The following ACLY variants were observed in gnomAD, a reference collection of about 807,000 sequenced individuals.
ACLY encodes ATP citrate lyase.
In ACLY, 41 loss-of-function variants were observed where a neutral mutation model predicts 133.0. The ratio of observed to expected loss-of-function variants is 0.31; its 90% CI spans 0.24 to 0.40. The LOEUF (loss-of-function observed/expected upper bound fraction) is 0.40, where lower values mean the gene tolerates loss of function less well. Ranked by LOEUF, ACLY falls within the 10% of genes least tolerant of loss-of-function variation. The pLI, the probability that ACLY is intolerant of heterozygous loss-of-function variation, is 1.00. For synonymous variants in ACLY, 495 were observed against 549.3 expected (o/e 0.90, Z 1.38); for missense variants, 1,046 against 1,453.8 (o/e 0.72, Z 4.56).
At chr17:41,908,096 C>T (rs1263255416) in intron 6 of ACLY, among the ~76,000 whole-genome samples, 1 of 152,184 alleles carries the variant, frequency 6.6e-6, no homozygotes, top group African/African-American at 2.4e-5. Flanking sequence ...CTTCCTCCTC[C>T]CCCAGGGCCA....
At chr17:41,922,436 G>A (rs2050194418), upstream of ACLY, among the ~76,000 whole-genome samples, 1 of 150,032 alleles carries the variant, frequency 6.7e-6, no homozygotes, top group Admixed American at 6.6e-5. Flanking sequence ...CAGCCTGGGT[G>A]ACAGAGTGAG....
chr17:41,906,108 G>A (rs1179848468), intron 8 of ACLY, among the ~76,000 whole-genome samples: 2 of 152,156 alleles, frequency 1.3e-5, no homozygotes, highest in African/African-American at 2.4e-5. Flanking sequence ...GCTAATTATT[G>A]TAAAGGGTGT....
intron 6 of ACLY, among the ~76,000 whole-genome samples, chr17:41,908,386 T>C (rs2049789459): frequency 1.3e-5 from 2 of 152,100 alleles, no homozygotes; most frequent in South Asian, 2.1e-4. Flanking sequence ...GGCCAAAGGG[T>C]GAGAGCAGTG....
chr17:41,921,495 A>C (rs142144891), upstream of ACLY, among the ~76,000 whole-genome samples: 2 of 148,696 alleles, frequency 1.3e-5, no homozygotes, highest in South Asian at 2.1e-4. Flanking sequence ...AAAAAAAAAA[A>C]CAAAAAAGAA....
chr17:41,892,161 C>T (rs1227511869), intron 16 of ACLY, 118 bp downstream of exon 16: 11 of 1,003,410 alleles, frequency 1.1e-5, no homozygotes, highest in Non-Finnish European at 1.6e-5. Flanking sequence ...GCAGCAGTGA[C>T]GGGACATCAA....
upstream of ACLY, among the ~76,000 whole-genome samples, chr17:41,922,247 C>A (rs1470565183): frequency 6.6e-6 from 1 of 151,718 alleles, no homozygotes; most frequent in Non-Finnish European, 1.5e-5. Flanking sequence ...GGCATGGTGG[C>A]ACGTGCCTGT....
chr17:41,880,148 C>T (rs782097657), intron 20 of ACLY, among the ~76,000 whole-genome samples: 1 of 152,180 alleles, frequency 6.6e-6, no homozygotes, highest in Non-Finnish European at 1.5e-5. Context: ...GTTTACATAA[C>T]ACTATGTTCA....
At position 41,897,740 on chromosome 17, in the gene ACLY, G is replaced by A. The variant is rs781896603; in HGVS notation, c.1429+9C>T. The A allele has an allele frequency of 1.9e-6, 3 of 1,612,614 alleles. 1 individual carries two copies. The highest frequency in any genetic ancestry group is 2.2e-5 in the South Asian group (2 of 90,704). On this transcript the variant is annotated intron_variant, in intron 13 of 28. Transcript: ENST00000352035. ...TCCCTGCAACATGCCTGAAGCCTCA[G>A]GGAGTTACCTTGTGGCATGGCAGGC...
chr17:41,908,896 G>T, intron 6 of ACLY, 93 bp downstream of exon 6: 1 of 1,037,282 alleles, frequency 9.6e-7, no homozygotes, highest in South Asian at 1.3e-5. Context: ...GTTACCCTCT[G>T]GCAAGTGGGA....
chr17:41,879,618 G>C (rs1162368105), intron 20 of ACLY, among the ~76,000 whole-genome samples: 4 of 97,888 alleles, frequency 4.1e-5, no homozygotes, highest in African/African-American at 1.2e-4. Flanking sequence ...CTGCACTCCA[G>C]CCAGGGTGAT....
At position 41,909,556 on chromosome 17, in the gene ACLY, C is replaced by A. The variant is rs782758020; in HGVS notation, c.490G>T (p.Asp164Tyr). Residue 164 changes from aspartate (D) to tyrosine (Y), a missense_variant, in exon 5 of 29, where the codon GAC (aspartate) becomes TAC (tyrosine). Physicochemically the swap from Asp to Tyr is radical, Grantham distance 160. Coordinates refer to ENST00000352035, the MANE Select transcript of ACLY (RefSeq NM_001096.3). ...TGGACCAACAGGTGTTTTTTGATGT[C>A]CTCAGGATTCAGTTTCTCATCCACG... Reference protein sequence around the residue: ...VGVDEKLNPEDIKKHLLVHAP... With the variant: ...VGVDEKLNPEYIKKHLLVHAP... 8 of 1,614,178 alleles carry A rather than the reference C, an allele frequency of 5.0e-6. No homozygotes were observed. In the East Asian group the frequency reaches 8.9e-5, roughly 18 times the overall value.
chr17:41,898,616 G>A lies in ACLY; in HGVS notation c.1338+15C>T. 4.3e-6 allele frequency: 7 copies of A among 1,612,266 alleles called. No individual in the cohort carries two copies. The highest frequency in any genetic ancestry group is 5.9e-6 in the Non-Finnish European group (7 of 1,179,244). On this transcript the variant is annotated intron_variant, in intron 12 of 28. Coordinates refer to ENST00000352035, the MANE Select transcript of ACLY (RefSeq NM_001096.3). Reference sequence around the variant, plus strand: ...ATGGTTCCTTCCTGTAAGGTTTGGGGAGGCTGGAACCTACCGATGTGCTCC... The same window carrying A: ...ATGGTTCCTTCCTGTAAGGTTTGGGAAGGCTGGAACCTACCGATGTGCTCC...
intron 3 of ACLY, among the ~76,000 whole-genome samples, chr17:41,911,366 C>G (rs952141851): frequency 6.6e-6 from 1 of 152,192 alleles, no homozygotes; most frequent in East Asian, 1.9e-4. Context: ...CAGGCTAGGC[C>G]AGGCCTCAGC....
At chr17:41,901,571 C>T (rs553453040) in intron 11 of ACLY, 125 bp downstream of exon 11, 2 of 796,816 alleles carry the variant, frequency 2.5e-6, no homozygotes, top group East Asian at 2.6e-5. Context: ...GAAACCCAAA[C>T]TGCACACCCA....
chr17:41,903,331 C>T (rs1396390703), intron 10 of ACLY, among the ~76,000 whole-genome samples: 2 of 152,170 alleles, frequency 1.3e-5, no homozygotes, highest in Non-Finnish European at 2.9e-5. Flanking sequence ...AAAGCATGTG[C>T]ACACACAGCC....
At chr17:41,927,721 G>A (rs1341862702) in intron 1 of ACLY, among the ~76,000 whole-genome samples, 4 of 151,982 alleles carry the variant, frequency 2.6e-5, no homozygotes, top group Admixed American at 1.3e-4. Context: ...TGCTACTTGG[G>A]AGGCGGAGGC....
chr17:41,926,283 A>G lies in ACLY; in HGVS notation c.-28+4075T>C, dbSNP rs1443684678. ...ACTCTTTATCCTGCTAATCGAACCC[A>G]AGGAATAGGCCCCAACCCAGCTCAC... On this transcript the variant is annotated intron_variant, in intron 1 of 3. Transcript: ENST00000592970. 2.0e-5 allele frequency among the ~76,000 whole-genome samples: 3 copies of G among 152,306 alleles called. No homozygotes were observed. In the East Asian group the frequency reaches 5.8e-4, roughly 29 times the overall value.
chr17:41,879,365 C>G (rs544055830), intron 20 of ACLY, among the ~76,000 whole-genome samples: 23 of 150,786 alleles, frequency 1.5e-4, no homozygotes, highest in Admixed American at 1.4e-3. Flanking sequence ...CTCGGCCTTG[C>G]AAAGTGCTGG....
chr17:41,928,835 A>C (rs2050273825), intron 1 of ACLY, among the ~76,000 whole-genome samples: 1 of 144,754 alleles, frequency 6.9e-6, no homozygotes. Context: ...CCTGAGTGAC[A>C]GAGTGAGACT....
Sources: allele counts gnomAD v4.1 joint callset (sites outside exome capture counted in the v4.1 genomes callset), GRCh38; gene constraint gnomAD v4.1.1; transcripts MANE v1.5; gene names NCBI Gene and HGNC (gene_info 2026-07-23, HGNC 2026-07-21).